The following GPR158 variants were observed in gnomAD, a reference collection of about 807,000 sequenced individuals.
GPR158 encodes metabotropic glycine receptor.
Under a neutral mutation model 78.2 loss-of-function variants are expected in GPR158, and 30 were observed. The observed-to-expected ratio is 0.38, with a 90% CI of 0.29 to 0.52. GPR158 has a LOEUF of 0.52. Among genes scored for constraint, GPR158 ranks in the 20% least tolerant of loss-of-function variants. The pLI is 0.83. For missense variants in GPR158, 1,463 were observed against 1,523.5 expected, an observed-to-expected ratio of 0.96 and a Z score of 0.66; for synonymous variants, 581 against 591.1, an observed-to-expected ratio of 0.98 and a Z score of 0.25.
chr10:25,556,454 G>T (rs757827687), intron 6 of GPR158, among the ~76,000 whole-genome samples: 2 of 152,170 alleles, frequency 1.3e-5, no homozygotes, highest in Non-Finnish European at 2.9e-5. Context: ...GAAAGACCTT[G>T]CCATGTGAAT....
At chr10:25,556,990 G>A (rs1009596905) in intron 6 of GPR158, among the ~76,000 whole-genome samples, 1 of 152,124 alleles carries the variant, frequency 6.6e-6, no homozygotes, top group African/African-American at 2.4e-5. Flanking sequence ...AAGATTTAAG[G>A]TTTCCCTAAG....
At chr10:25,581,652 A>G (rs1837200758) in intron 7 of GPR158, among the ~76,000 whole-genome samples, 1 of 152,228 alleles carries the variant, frequency 6.6e-6, no homozygotes, top group African/African-American at 2.4e-5. Flanking sequence ...TCTTCGTGGT[A>G]GCCTGCCAGC....
intron 1 of GPR158, among the ~76,000 whole-genome samples, chr10:25,211,902 A>T (rs1017730776): frequency 6.6e-6 from 1 of 151,958 alleles, no homozygotes; most frequent in African/African-American, 2.4e-5. Flanking sequence ...TGAGCTCTCT[A>T]TTTTGTTCCA....
intron 2 of GPR158, among the ~76,000 whole-genome samples, chr10:25,281,267 G>GA (rs970813682): frequency 2.0e-5 from 3 of 151,428 alleles, no homozygotes; most frequent in Non-Finnish European, 2.9e-5. Flanking sequence ...AAATTCAAAT[G>GA]AAAAAATACA....
chr10:25,369,805 T>G (rs2130546949), intron 2 of GPR158, among the ~76,000 whole-genome samples: 1 of 150,118 alleles, frequency 6.7e-6, no homozygotes, highest in Middle Eastern at 3.4e-3. Context: ...TCCTGGACTC[T>G]TTTTGGTTGG....
At chr10:25,244,337 G>A (rs1853661737) in intron 2 of GPR158, among the ~76,000 whole-genome samples, 1 of 152,168 alleles carries the variant, frequency 6.6e-6, no homozygotes, top group African/African-American at 2.4e-5. Context: ...TAAGGCAGGA[G>A]CCACCTTAGG....
chr10:25,208,558 TTGTGTG>T (rs71399956), intron 1 of GPR158, among the ~76,000 whole-genome samples: 19,095 of 135,078 alleles, frequency 0.14, 1,277 homozygotes, highest in East Asian at 0.25. Flanking sequence ...CTATGTGAAT[TTGTGTG>T]TGTGTGTGTG....
intron 5 of GPR158, among the ~76,000 whole-genome samples, chr10:25,470,297 G>T (rs550116769): frequency 6.6e-6 from 1 of 152,074 alleles, no homozygotes; most frequent in Non-Finnish European, 1.5e-5. Flanking sequence ...TTGAGAAGTG[G>T]GGTATTTTCG....
At chr10:25,479,634 C>T (rs150658358) in intron 5 of GPR158, among the ~76,000 whole-genome samples, 54 of 152,054 alleles carry the variant, frequency 3.6e-4, no homozygotes, top group South Asian at 3.5e-3. Flanking sequence ...AGGCTGGTCT[C>T]GAACACCTGA....
At chr10:25,448,645 T>G (rs1835172961) in intron 4 of GPR158, among the ~76,000 whole-genome samples, 1 of 152,242 alleles carries the variant, frequency 6.6e-6, no homozygotes, top group Non-Finnish European at 1.5e-5. Flanking sequence ...TAGAGTTTCC[T>G]GGCCACAGGG....
chr10:25,492,874 A>C (rs1835829000), intron 5 of GPR158, among the ~76,000 whole-genome samples: 1 of 148,394 alleles, frequency 6.7e-6, no homozygotes, highest in Admixed American at 6.8e-5. Context: ...TTAATATATA[A>C]TTGATATATA....
intron 2 of GPR158, among the ~76,000 whole-genome samples, chr10:25,297,723 T>C (rs1854536868): frequency 6.6e-6 from 1 of 152,190 alleles, no homozygotes; most frequent in East Asian, 1.9e-4. Flanking sequence ...AACCATGACC[T>C]ATAGAAAGAA....
At chr10:25,423,745 T>G (rs972046987) in intron 4 of GPR158, among the ~76,000 whole-genome samples, 7 of 152,198 alleles carry the variant, frequency 4.6e-5, no homozygotes, top group Non-Finnish European at 7.3e-5. Flanking sequence ...TAGTATTCCA[T>G]GGTGTATATG....
At chr10:25,477,322 T>C (rs2130631483) in intron 5 of GPR158, among the ~76,000 whole-genome samples, 1 of 152,326 alleles carries the variant, frequency 6.6e-6, no homozygotes, top group East Asian at 1.9e-4. Flanking sequence ...TTGTTTATTT[T>C]CATTGCTAAA....
At chr10:25,590,453 C>T (rs1564499418) in intron 8 of GPR158, among the ~76,000 whole-genome samples, 2 of 152,062 alleles carry the variant, frequency 1.3e-5, no homozygotes. Flanking sequence ...GTTTCAGGAC[C>T]TAAGAGGGGA....
chr10:25,337,584 G>T (rs903547907), intron 2 of GPR158, among the ~76,000 whole-genome samples: 3 of 151,980 alleles, frequency 2.0e-5, no homozygotes, highest in Non-Finnish European at 4.4e-5. Context: ...TATAAATGAT[G>T]CAGGTATGAA....
intron 7 of GPR158, among the ~76,000 whole-genome samples, chr10:25,575,821 G>A (rs16926121): frequency 0.075 from 11,309 of 150,816 alleles, 660 homozygotes; most frequent in African/African-American, 0.16. Context: ...GAGCCATAAC[G>A]TAGAAATGTC....
intron 1 of GPR158, among the ~76,000 whole-genome samples, chr10:25,190,195 C>T (rs970324065): frequency 6.6e-6 from 1 of 151,964 alleles, no homozygotes; most frequent in Non-Finnish European, 1.5e-5. Flanking sequence ...AATATTAGTA[C>T]CTTACAATGT....
chr10:25,193,494 A>T (rs1477242923), intron 1 of GPR158, among the ~76,000 whole-genome samples: 1 of 152,214 alleles, frequency 6.6e-6, no homozygotes, highest in East Asian at 1.9e-4. Context: ...AAAGAAAGCC[A>T]GTGTTGCTGG....
Sources: gnomAD v4.1 joint callset for allele counts (sites outside exome capture counted in the v4.1 genomes callset) on GRCh38, gnomAD v4.1.1 for gene constraint, MANE v1.5 for transcripts, NCBI Gene and HGNC (gene_info 2026-07-23, HGNC 2026-07-21) for gene names.